FAAP20: variants seen among roughly 807,000 people sequenced by gnomAD.
The protein encoded by FAAP20 is Fanconi anemia core complex-associated protein 20.
In FAAP20, 12 loss-of-function variants were observed where a neutral mutation model predicts 16.2. The ratio of observed to expected loss-of-function variants is 0.74; its 90% CI spans 0.48 to 1.20. The LOEUF is 1.20. Ranked by LOEUF, FAAP20 falls within the 50% of genes most tolerant of loss-of-function variation. The pLI is 0.00. For synonymous variants in FAAP20, 141 were observed against 110.7 expected (o/e 1.27, Z -1.72); for missense variants, 288 against 245.8 (o/e 1.17, Z -1.15).
upstream of FAAP20, among the ~76,000 whole-genome samples, chr1:2,196,839 C>T (rs117290036): frequency 3.8e-3 from 583 of 151,492 alleles, 16 homozygotes; most frequent in East Asian, 0.079. This position sits in a 1 kb window ranked among gnomAD's most constrained non-coding sequence, Gnocchi z 4.5. Context: ...GACTCTGTCT[C>T]GAAAAACAAA....
chr1:2,194,224 G>T, intron 1 of FAAP20, 91 bp from the exon 2 acceptor site: 1 of 1,502,944 alleles, frequency 6.7e-7, no homozygotes, highest in Middle Eastern at 2.4e-4. Context: ...AGAGAGAGCG[G>T]GGAGATGGGG....
Position 2,194,704 on chromosome 1 carries a change from G to T in FAAP20, c.46C>A (p.Pro16Thr). The change falls in exon 1 of 4, where the codon CCG becomes ACG. Residue 16 changes from proline (P) to threonine (T), a missense_variant. Physicochemically the swap from Pro to Thr is conservative, Grantham distance 38. Transcript: ENST00000378546. ...CGGCCTCACCCGCCCGCCGGGCGCG[G>T]CCTCCGGCGGCTCAACCCCAGCCGC... is the stretch of plus-strand genomic sequence containing the variant. ...RPRLGLSRRR[P>T]RPAGGPSGGR... 2 of 1,174,370 alleles carry T rather than the reference G, an allele frequency of 1.7e-6. No individual in the cohort carries two copies. The highest frequency in any genetic ancestry group is 1.0e-6 in the Non-Finnish European group (1 of 953,084). The allele number at this position is 1,174,370 out of a possible 1,614,324, so 72.7% of individuals were successfully genotyped here. A position where few individuals can be genotyped will look rare whatever the true frequency, so the allele number is the denominator to read the frequency against.
At chr1:2,192,841 C>A in intron 3 of FAAP20, 2 of 1,255,958 alleles carry the variant, frequency 1.6e-6, no homozygotes, top group Non-Finnish European at 2.1e-6. Flanking sequence ...CTCCAGCAAC[C>A]CACCTGCCTC....
intron 3 of FAAP20, 165 bp downstream of exon 3, chr1:2,193,474 G>C (rs1688482062): frequency 8.7e-7 from 1 of 1,143,838 alleles, no homozygotes; most frequent in Non-Finnish European, 1.2e-6. Context: ...ACCCGTGACA[G>C]AGAGCCACCT....
chr1:2,189,634 AGCC>A lies in FAAP20; in HGVS notation c.*72_*74del. 3.3e-6 allele frequency: 4 copies of A among 1,223,230 alleles called. No homozygotes were observed. Among genetic ancestry groups the A allele is most frequent in the Non-Finnish European group, 4.7e-6 (4 of 852,296 alleles). The allele number at this position is 1,223,230 out of a possible 1,614,324, so 75.8% of individuals were successfully genotyped here. A position where few individuals can be genotyped will look rare whatever the true frequency, so the allele number is the denominator to read the frequency against. On this transcript the variant is annotated 3_prime_UTR_variant, in exon 4 of 4. Coordinates refer to ENST00000378546, the MANE Select transcript of FAAP20 (RefSeq NM_182533.4). Reference sequence around the variant, plus strand: ...CGAGAGGCGGGGCTGCTGGCGGGGGAGCCGAGAGGCGGGGCTGCTGGCGGGGGA... The same window carrying A: ...CGAGAGGCGGGGCTGCTGGCGGGGGAGAGAGGCGGGGCTGCTGGCGGGGGA...
At chr1:2,201,264 T>C (rs953489808), upstream of FAAP20, 1 of 1,170,488 alleles carries the variant, frequency 8.5e-7, no homozygotes, top group African/African-American at 1.6e-5. Flanking sequence ...GCCTGGGCCC[T>C]GCGCATCCTC....
At chr1:2,198,918 G>A (rs1162360552), upstream of FAAP20, 2 of 1,289,676 alleles carry the variant, frequency 1.6e-6, no homozygotes, top group Admixed American at 2.3e-5. Flanking sequence ...CAGACAGGCT[G>A]TGAGAGACAG....
chr1:2,192,670 G>A, intron 3 of FAAP20: 1 of 1,192,898 alleles, frequency 8.4e-7, no homozygotes, highest in South Asian at 1.5e-5. Context: ...CTGGAGTGCA[G>A]TGGTGCAATC....
chr1:2,193,811 A>C lies in FAAP20; in HGVS notation c.298T>G (p.Ser100Ala). Residue 100 changes from serine (S) to alanine (A), a missense_variant, in exon 3 of 4, where the codon TCC (serine) becomes GCC (alanine). Coordinates refer to ENST00000378546, the MANE Select transcript of FAAP20 (RefSeq NM_182533.4). The part of the protein sequence containing the change: ...FPPDLWGPGR[S>A]YRLLHGAGGH... The stretch of plus-strand genomic sequence containing the variant: ...CCTGCCCCGTGAAGCAGCCGGTAGG[A>C]ACGGCCCGGGCCCCACAGGTCCGGC... 1 of 1,606,538 alleles carries C rather than the reference A, an allele frequency of 6.2e-7. No homozygotes were observed. Among genetic ancestry groups the C allele is most frequent in the Non-Finnish European group, 8.5e-7 (1 of 1,178,154 alleles).
rs1397656468 is a variant in FAAP20, at chr1:2,192,282, G to A, written c.470+1357C>T. The stretch of plus-strand genomic sequence containing the variant: ...GTGGCCACAGCCTCGGGTGAGTTCC[G>A]GTTCCAAAGTACCGGCTCTCCCTTA... On this transcript the variant is annotated intron_variant, in intron 3 of 3. Transcript: ENST00000378546. The A allele has an allele frequency of 6.1e-6, 6 of 986,112 alleles. No homozygotes were observed. The African/African-American group carries it at 7.0e-5, about 11-fold the overall frequency. 61.1% of individuals were successfully genotyped at this position (986,112 alleles called of 1,614,324 possible).
upstream of FAAP20, among the ~76,000 whole-genome samples, chr1:2,204,872 C>A (rs1188283381): frequency 6.6e-6 from 1 of 150,504 alleles, no homozygotes; most frequent in Admixed American, 6.6e-5. Context: ...TCCTCCCGGG[C>A]ACCTCCCACG....
At chr1:2,189,010 AG>A (rs1174534240), downstream of FAAP20, among the ~76,000 whole-genome samples, 4 of 110,062 alleles carry the variant, frequency 3.6e-5, no homozygotes, top group African/African-American at 8.1e-5. Context: ...GTCTCAAAAA[AG>A]AAAAAAAAAA....
chr1:2,184,550 C>T (rs45536443), downstream of FAAP20: 359 of 1,563,984 alleles, frequency 2.3e-4, 3 homozygotes, highest in East Asian at 7.2e-3. Context: ...GATGCCCGCG[C>T]GGAGCTGACC....
At chr1:2,191,751 A>T (rs1688253228) in intron 3 of FAAP20, 1 of 882,372 alleles carries the variant, frequency 1.1e-6, no homozygotes, top group Non-Finnish European at 1.4e-6. Flanking sequence ...AAAAAAAAAA[A>T]AAAATCCCAG....
rs1305470943 is a variant in FAAP20 at position 2,189,793 on chromosome 1, G to GGGCCA, written c.471-17_471-13dup. The GGGCCA allele has an allele frequency of 1.6e-5, 25 of 1,606,062 alleles. No individual in the cohort carries two copies. Among genetic ancestry groups the GGGCCA allele is most frequent in the Non-Finnish European group, 2.0e-5 (24 of 1,173,782 alleles). Reference sequence around the variant, plus strand: ...CCAGCTGGGTCAGCCTGCAAGGGAGGGGCCACACTCACTCGGCCACCTCCG... The same window carrying GGGCCA: ...CCAGCTGGGTCAGCCTGCAAGGGAGGGGCCAGGCCACACTCACTCGGCCACCTCCG... On this transcript the variant is annotated splice_polypyrimidine_tract_variant and intron_variant, in intron 3 of 3. Transcript: ENST00000378546.
In FAAP20 at chr1:2,194,726, C is replaced by T. The variant is rs1688708769; in HGVS notation, c.24G>A (p.Arg8=). Residue 8 remains arginine (R), a synonymous_variant, in exon 1 of 4, where the codon CGG becomes CGA. Coordinates refer to ENST00000378546, the MANE Select transcript of FAAP20 (RefSeq NM_182533.4). The stretch of plus-strand genomic sequence containing the variant: ...GCGGCCTCCGGCGGCTCAACCCCAG[C>T]CGCGGCCTCCGCGCCGCCTCCATCC... MEAARRP[R]LGLSRRRPRP... 1 of 1,191,926 alleles carries T rather than the reference C, an allele frequency of 8.4e-7. No homozygotes were observed. Among genetic ancestry groups the T allele is most frequent in the African/African-American group, 1.6e-5 (1 of 62,046 alleles). 73.8% of individuals were successfully genotyped at this position (1,191,926 alleles called of 1,614,324 possible).
upstream of FAAP20, chr1:2,198,830 G>A (rs1456579565): frequency 7.8e-7 from 1 of 1,289,784 alleles, no homozygotes; most frequent in Non-Finnish European, 1.0e-6. Flanking sequence ...CACCACACCT[G>A]CTGGCCCGTG....
At chr1:2,184,599 C>T (rs749035122), downstream of FAAP20, 54 of 1,613,724 alleles carry the variant, frequency 3.3e-5, 2 homozygotes, top group South Asian at 5.5e-4. Flanking sequence ...AAGAAGCAGG[C>T]GCTCCCTCCA....
chr1:2,211,101 G>A (rs536867488), downstream of FAAP20, among the ~76,000 whole-genome samples: 1 of 152,262 alleles, frequency 6.6e-6, no homozygotes, highest in South Asian at 2.1e-4. Flanking sequence ...ACCACGGCGG[G>A]TGCCTAGCAG....
Sources: allele counts gnomAD v4.1 joint callset (sites outside exome capture counted in the v4.1 genomes callset), GRCh38; gene constraint gnomAD v4.1.1; non-coding constraint Gnocchi (gnomAD v3.1); transcripts MANE v1.5; gene names NCBI Gene and HGNC (gene_info 2026-07-23, HGNC 2026-07-21).